Variants in RNF150 observed in about 807,000 individuals in gnomAD.
The protein encoded by RNF150 is ring finger protein 150.
In RNF150, 24 loss-of-function variants were observed where a neutral mutation model predicts 39.3. The ratio of observed to expected loss-of-function variants is 0.61; its 90% confidence interval spans 0.44 to 0.86. The LOEUF (loss-of-function observed/expected upper bound fraction) is 0.86. RNF150 is among the 40% of genes least tolerant of loss of function. RNF150 has a pLI of 0.00. For missense variants in RNF150, 502 were observed against 587.8 expected, an observed-to-expected ratio of 0.85 and a Z score of 1.51; for synonymous variants, 255 against 227.3, an observed-to-expected ratio of 1.12 and a Z score of -1.10.
intron 1 of RNF150, among the ~76,000 whole-genome samples, chr4:141,000,416 A>T (rs1403100279): frequency 1.3e-5 from 2 of 152,148 alleles, no homozygotes. Flanking sequence ...GGAATCTAGA[A>T]CTCTGAATGA....
intron 1 of RNF150, among the ~76,000 whole-genome samples, chr4:141,013,108 T>C (rs891703292): frequency 4.9e-4 from 75 of 152,264 alleles, no homozygotes; most frequent in African/African-American, 1.7e-3. Context: ...CTAAAGCATG[T>C]TTTTTACAAA....
At chr4:141,126,345 A>G (rs529626767) in intron 1 of RNF150, among the ~76,000 whole-genome samples, 5 of 152,354 alleles carry the variant, frequency 3.3e-5, no homozygotes, top group Admixed American at 2.6e-4. Context: ...GGGATCAGCA[A>G]TTCCACAATG....
chr4:141,099,108 T>C (rs1738911356), intron 1 of RNF150, among the ~76,000 whole-genome samples: 1 of 152,098 alleles, frequency 6.6e-6, no homozygotes, highest in Non-Finnish European at 1.5e-5. Context: ...CTATAATTTA[T>C]TTTTTATAAT....
At chr4:141,002,133 C>T (rs79737437) in intron 1 of RNF150, among the ~76,000 whole-genome samples, 13,179 of 152,108 alleles carry the variant, frequency 0.087, 829 homozygotes, top group Non-Finnish European at 0.13. Context: ...TATCTCAGTT[C>T]TGCTTAGAGA....
intron 1 of RNF150, among the ~76,000 whole-genome samples, chr4:141,127,358 G>A (rs1428313610): frequency 6.6e-6 from 1 of 152,142 alleles, no homozygotes; most frequent in Non-Finnish European, 1.5e-5. Context: ...AAAAATAAAA[G>A]AGAGAGCTAA....
At chr4:140,957,949 C>T (rs999817986) in intron 2 of RNF150, among the ~76,000 whole-genome samples, 11 of 150,886 alleles carry the variant, frequency 7.3e-5, no homozygotes, top group African/African-American at 2.4e-4. Flanking sequence ...TGCTAGATGA[C>T]GAGTTAGTGG....
At chr4:141,113,804 A>T (rs1181191063) in intron 1 of RNF150, among the ~76,000 whole-genome samples, 1 of 152,160 alleles carries the variant, frequency 6.6e-6, no homozygotes, top group Admixed American at 6.6e-5. Flanking sequence ...AAGAACAGAA[A>T]CCATAACAAA....
intron 6 of RNF150, among the ~76,000 whole-genome samples, chr4:140,875,606 C>T (rs745902817): frequency 1.4e-4 from 21 of 152,154 alleles, no homozygotes; most frequent in Non-Finnish European, 2.8e-4. Flanking sequence ...TGGTAGTTTT[C>T]ATCAGATTCT....
At chr4:140,982,012 T>C (rs1161621919) in intron 1 of RNF150, among the ~76,000 whole-genome samples, 2 of 152,186 alleles carry the variant, frequency 1.3e-5, no homozygotes, top group Non-Finnish European at 2.9e-5. Context: ...CCATGTTATC[T>C]ATAGGCACTT....
intron 1 of RNF150, among the ~76,000 whole-genome samples, chr4:141,191,061 A>G (rs1410463693): frequency 6.6e-6 from 1 of 152,190 alleles, no homozygotes; most frequent in Non-Finnish European, 1.5e-5. Context: ...TAAGCCTTCC[A>G]TGTAATCATT....
intron 1 of RNF150, among the ~76,000 whole-genome samples, chr4:141,098,778 C>T (rs17006871): frequency 0.015 from 2,331 of 152,276 alleles, 56 homozygotes; most frequent in African/African-American, 0.054. Context: ...CAGTAACAGT[C>T]TGATTTCAAT....
intron 1 of RNF150, among the ~76,000 whole-genome samples, chr4:141,027,916 T>G (rs990714939): frequency 3.3e-5 from 2 of 60,260 alleles, no homozygotes; most frequent in African/African-American, 6.0e-5. Flanking sequence ...GAATTTGTTT[T>G]TTTTTTTTTG....
intron 1 of RNF150, among the ~76,000 whole-genome samples, chr4:141,018,132 T>C (rs1735350372): frequency 6.6e-6 from 1 of 152,208 alleles, no homozygotes; most frequent in Admixed American, 6.5e-5. Flanking sequence ...GAAGGGCTCA[T>C]CCAAGGCCAC....
intron 1 of RNF150, among the ~76,000 whole-genome samples, chr4:141,055,316 T>C (rs960001469): frequency 2.0e-5 from 3 of 152,338 alleles, no homozygotes; most frequent in South Asian, 4.1e-4. Flanking sequence ...CAGTGGATCC[T>C]TTCATTGCTC....
chr4:141,017,642 CTATT>C (rs1374726597), intron 1 of RNF150, among the ~76,000 whole-genome samples: 6 of 152,172 alleles, frequency 3.9e-5, no homozygotes, highest in Middle Eastern at 3.2e-3. Context: ...CCTTTGCCCT[CTATT>C]TATCCATCCT....
chr4:140,999,580 G>T (rs746805398), intron 1 of RNF150, among the ~76,000 whole-genome samples: 14 of 152,138 alleles, frequency 9.2e-5, no homozygotes, highest in Non-Finnish European at 1.8e-4. Context: ...TCAAAAGAAA[G>T]TATGACCCAG....
chr4:141,132,588 C>T lies in RNF150; in HGVS notation c.221G>A (p.Cys74Tyr), dbSNP rs748636212. ...GAELHTEKTE[C>Y]GRYGEHSPKQ... ...GGGCGAGTGCTCTCCGTAGCGCCCG[C>T]ACTCCGTCTTCTCCGTGTGCAGCTC... Residue 74 changes from cysteine (C) to tyrosine (Y), a missense_variant, in exon 1 of 7, where the codon TGC becomes TAC. Coordinates refer to ENST00000515673, the MANE Select transcript of RNF150 (RefSeq NM_020724.2). The surrounding 1 kb of genome is among the most constrained non-coding windows in gnomAD (Gnocchi z 4.9). 6.4e-7 allele frequency: 1 copy of T among 1,571,736 alleles called. No homozygotes were observed.
intron 1 of RNF150, among the ~76,000 whole-genome samples, chr4:141,205,231 G>A (rs1480334247): frequency 6.6e-6 from 1 of 152,022 alleles, no homozygotes; most frequent in East Asian, 1.9e-4. Context: ...TATACCCTAA[G>A]CATCTAGTAC....
In RNF150 at chr4:141,182,135, C is replaced by T. The variant is rs1000667259; in HGVS notation, c.-6+30659G>A. On this transcript the variant is annotated intron_variant, in intron 1 of 7. Coordinates refer to the RNF150 transcript ENST00000420921. ...CCTTTGACAAAATTCAACAACCCTT[C>T]ATGCTAAAAACTCTCAATAAATTAG... Among the ~76,000 whole-genome samples, 4 of 150,366 alleles carry T rather than the reference C, an allele frequency of 2.7e-5. No homozygotes were observed. The Admixed American group carries it at 2.7e-4, about 10-fold the overall frequency.
Sources: gnomAD v4.1 joint callset for allele counts (sites outside exome capture counted in the v4.1 genomes callset) on GRCh38, gnomAD v4.1.1 for gene constraint, Gnocchi (gnomAD v3.1) non-coding constraint, MANE v1.5 for transcripts, NCBI Gene and HGNC (gene_info 2026-07-23, HGNC 2026-07-21) for gene names.